WIPI2: variants seen among roughly 807,000 people sequenced by gnomAD.
WIPI2 encodes WD repeat domain, phosphoinositide interacting 2.
In WIPI2, 28 loss-of-function variants were observed where a neutral mutation model predicts 52.3. The ratio of observed to expected loss-of-function variants is 0.54; its 90% CI spans 0.40 to 0.73. The LOEUF (loss-of-function observed/expected upper bound fraction) is 0.73, where lower values mean the gene tolerates loss of function less well. Ranked by LOEUF, WIPI2 falls within the 30% of genes least tolerant of loss-of-function variation. The pLI, the probability that WIPI2 is intolerant of heterozygous loss-of-function variation, is 0.00. For missense variants in WIPI2, 506 were observed against 602.9 expected, an observed-to-expected ratio of 0.84 and a Z score of 1.68; for synonymous variants, 268 against 245.0, an observed-to-expected ratio of 1.09 and a Z score of -0.88.
intron 2 of WIPI2, among the ~76,000 whole-genome samples, chr7:5,194,552 G>A (rs565653631): frequency 6.6e-6 from 1 of 152,220 alleles, no homozygotes; most frequent in African/African-American, 2.4e-5. Context: ...TCAAACATAA[G>A]CATTTATTTT....
chr7:5,220,076 T>A (rs893372233), intron 7 of WIPI2, among the ~76,000 whole-genome samples: 36 of 151,940 alleles, frequency 2.4e-4, no homozygotes, highest in African/African-American at 8.7e-4. Flanking sequence ...GCTCAAGCGA[T>A]CTACAAACCT....
intron 11 of WIPI2, among the ~76,000 whole-genome samples, chr7:5,229,095 A>C (rs1783589534): frequency 6.6e-6 from 1 of 152,074 alleles, no homozygotes; most frequent in South Asian, 2.1e-4. Flanking sequence ...GGCTCACTGC[A>C]ATCTCCGCCT....
intron 3 of WIPI2, among the ~76,000 whole-genome samples, chr7:5,200,907 C>T (rs983775817): frequency 6.6e-6 from 1 of 152,218 alleles, no homozygotes; most frequent in Admixed American, 6.5e-5. Flanking sequence ...TGATCAGCGT[C>T]CCTGACTCAT....
chr7:5,213,567 A>G (rs1782664389), intron 3 of WIPI2, among the ~76,000 whole-genome samples: 1 of 152,266 alleles, frequency 6.6e-6, no homozygotes, highest in Non-Finnish European at 1.5e-5. Flanking sequence ...GTCTGTAGCC[A>G]GGAGCCACAG....
chr7:5,220,887 G>C (rs1783088605), intron 7 of WIPI2, among the ~76,000 whole-genome samples: 1 of 151,834 alleles, frequency 6.6e-6, no homozygotes, highest in Admixed American at 6.6e-5. Flanking sequence ...TCCACCTCTG[G>C]GGCTCAAGCG....
intron 7 of WIPI2, among the ~76,000 whole-genome samples, chr7:5,219,782 A>G (rs1783007637): frequency 6.6e-6 from 1 of 152,036 alleles, no homozygotes; most frequent in South Asian, 2.1e-4. Flanking sequence ...TCAATGTTAC[A>G]AGCTCAGTTT....
Position 5,232,012 on chromosome 7 carries a change from C to T in WIPI2, c.*1065C>T, listed in dbSNP as rs1473629400. ...GATGAGAGATTGTGGTTGCAAGCTT[C>T]AGTATTTGCCTCGCTTCCCTTCCCT... On this transcript the variant is annotated 3_prime_UTR_variant, in exon 13 of 13. Transcript: ENST00000288828. 1 of 351,004 alleles carries T rather than the reference C, an allele frequency of 2.8e-6. No individual in the cohort carries two copies. The highest frequency in any genetic ancestry group is 4.8e-6 in the Non-Finnish European group (1 of 210,298). 21.7% of individuals were successfully genotyped at this position (351,004 alleles called of 1,614,324 possible).
chr7:5,205,963 A>C (rs1205390317), intron 3 of WIPI2, among the ~76,000 whole-genome samples: 2 of 151,778 alleles, frequency 1.3e-5, no homozygotes, highest in African/African-American at 4.8e-5. Context: ...ACTTAAAGCA[A>C]ATTAGCCATT....
At chr7:5,197,069 G>A (rs1781773778) in intron 2 of WIPI2, among the ~76,000 whole-genome samples, 2 of 121,942 alleles carry the variant, frequency 1.6e-5, no homozygotes, top group Non-Finnish European at 1.6e-5. Flanking sequence ...CCAGGATCGC[G>A]CTGCTGCACT....
At chr7:5,213,690 T>G (rs1024056248) in intron 3 of WIPI2, among the ~76,000 whole-genome samples, 3 of 151,582 alleles carry the variant, frequency 2.0e-5, no homozygotes, top group South Asian at 2.1e-4. Flanking sequence ...GTTGTTGTTG[T>G]TGTTGTTGTT....
intron 3 of WIPI2, among the ~76,000 whole-genome samples, chr7:5,208,898 T>C (rs1782421415): frequency 6.6e-6 from 1 of 152,218 alleles, no homozygotes; most frequent in African/African-American, 2.4e-5. Context: ...TAGGATGGGA[T>C]TGGACCTAGA....
chr7:5,212,003 A>G (rs1240403042), intron 3 of WIPI2, among the ~76,000 whole-genome samples: 1 of 152,138 alleles, frequency 6.6e-6, no homozygotes, highest in Non-Finnish European at 1.5e-5. Flanking sequence ...ACAGCATTTC[A>G]CCACCCACTG....
chr7:5,224,536 GTCT>G (rs1157055164), intron 8 of WIPI2, among the ~76,000 whole-genome samples: 31 of 152,320 alleles, frequency 2.0e-4, no homozygotes, highest in African/African-American at 6.0e-4. Context: ...ACTCAAATCA[GTCT>G]GTCTGAGCAT....
intron 1 of WIPI2, 92 bp from the exon 2 acceptor site, chr7:5,193,026 G>T: frequency 8.1e-7 from 1 of 1,227,094 alleles, no homozygotes; most frequent in South Asian, 1.3e-5. Flanking sequence ...TTCCAATGTC[G>T]TACTTTTTCA....
At chr7:5,210,439 C>T (rs1782501124) in intron 3 of WIPI2, among the ~76,000 whole-genome samples, 1 of 152,222 alleles carries the variant, frequency 6.6e-6, no homozygotes, top group African/African-American at 2.4e-5. Context: ...TGACTTCCAT[C>T]TCATACACGG....
chr7:5,222,201 G>A (rs62441067), intron 7 of WIPI2, among the ~76,000 whole-genome samples: 7,102 of 152,244 alleles, frequency 0.047, 222 homozygotes, highest in Non-Finnish European at 0.071. Context: ...TGCCCGCCTC[G>A]GCCTCCCAAA....
At chr7:5,215,828 C>T (rs1184893265) in intron 4 of WIPI2, among the ~76,000 whole-genome samples, 2 of 152,240 alleles carry the variant, frequency 1.3e-5, no homozygotes, top group African/African-American at 4.8e-5. Context: ...GATGCATCGT[C>T]TGCATGTCTA....
At chr7:5,201,469 C>A (rs189715470) in intron 3 of WIPI2, among the ~76,000 whole-genome samples, 1 of 152,180 alleles carries the variant, frequency 6.6e-6, no homozygotes, top group Non-Finnish European at 1.5e-5. Context: ...ATTGGCCGGG[C>A]GCAGTGGCTC....
At chr7:5,192,760 G>T (rs1306174304) in intron 1 of WIPI2, among the ~76,000 whole-genome samples, 1 of 152,194 alleles carries the variant, frequency 6.6e-6, no homozygotes, top group Non-Finnish European at 1.5e-5. Context: ...TTCCCGGAGA[G>T]AGCTTTTATG....
Sources: gnomAD v4.1 joint callset for allele counts (sites outside exome capture counted in the v4.1 genomes callset) on GRCh38, gnomAD v4.1.1 for gene constraint, MANE v1.5 for transcripts, NCBI Gene and HGNC (gene_info 2026-07-23, HGNC 2026-07-21) for gene names.